SOS1: variants seen among roughly 807,000 people sequenced by gnomAD.
SOS1 encodes SOS Ras/Rac guanine nucleotide exchange factor 1.
A neutral mutation model predicts 157.6 loss-of-function variants in SOS1; 25 were observed. The ratio of observed to expected loss-of-function variants is 0.16; its 90% CI spans 0.12 to 0.22. The LOEUF is 0.22. Ranked by LOEUF, SOS1 falls within the 10% of genes least tolerant of loss-of-function variation. SOS1 has a pLI of 1.00. For missense variants in SOS1, 1,237 were observed against 1,599.1 expected, an observed-to-expected ratio of 0.77 and a Z score of 3.86; for synonymous variants, 528 against 534.0, an observed-to-expected ratio of 0.99 and a Z score of 0.16.
chr2:39,088,657 AT>A (rs1672468810), intron 1 of SOS1, among the ~76,000 whole-genome samples: 1 of 152,200 alleles, frequency 6.6e-6, no homozygotes, highest in Non-Finnish European at 1.5e-5. Context: ...TCAGAATTCT[AT>A]TCCTTTCTAG....
chr2:39,010,382 G>T (rs898356281), intron 15 of SOS1, among the ~76,000 whole-genome samples: 1 of 151,666 alleles, frequency 6.6e-6, no homozygotes, highest in Non-Finnish European at 1.5e-5. Context: ...TCACACACTT[G>T]TAATCCTGGT....
In SOS1 at chr2:39,034,993, AAAC is replaced by A. The variant is rs1383097490; in HGVS notation, c.1074+216_1074+218del. 31 of 621,088 alleles carry A rather than the reference AAAC, an allele frequency of 5.0e-5. No individual in the cohort carries two copies. The East Asian group carries it at 5.8e-4, about 12-fold the overall frequency. 38.5% of individuals were successfully genotyped at this position (621,088 alleles called of 1,614,324 possible). A position where few individuals can be genotyped will look rare whatever the true frequency, so the allele number is the denominator to read the frequency against. On this transcript the variant is annotated intron_variant, in intron 8 of 22. Coordinates refer to ENST00000402219, the MANE Select transcript of SOS1 (RefSeq NM_005633.4). ...AAAAATAAAAAAAAGAAAAAACAAA[AAAC>A]AAAAAAATTAAAAAACAACAAAAAT...
intron 1 of SOS1, among the ~76,000 whole-genome samples, chr2:39,083,376 G>A (rs1481192156): frequency 1.3e-5 from 2 of 152,104 alleles, no homozygotes; most frequent in African/African-American, 2.4e-5. Context: ...TATTCTTAAG[G>A]AAGTCAGGAG....
In SOS1 at chr2:38,986,160, T is replaced by C; in HGVS notation, c.3666A>G (p.Thr1222=). 6.2e-7 allele frequency: 1 copy of C among 1,613,738 alleles called. No individual in the cohort carries two copies. The highest frequency in any genetic ancestry group is 8.5e-7 in the Non-Finnish European group (1 of 1,179,848). Residue 1222 remains threonine (T), a synonymous_variant, in exon 23 of 23, where the codon ACA becomes ACG. Coordinates refer to ENST00000402219, the MANE Select transcript of SOS1 (RefSeq NM_005633.4). ...GTGGTGAGCTTGAGAAAACATCAGG[T>C]GTCCTCACAGGTTCTCGTGGTGGTA... The part of the protein sequence containing the change: ...PLLPPREPVR[T]PDVFSSSPLH...
At position 39,035,381 on chromosome 2, in the gene SOS1, T is replaced by C. The variant is rs761797990; in HGVS notation, c.975+9A>G. ...GACATTGTACATCTTCATTTAAAAA[T>C]TACTATACCTGCAAATAAAGTGCTG... On this transcript the variant is annotated intron_variant, in intron 7 of 22. Transcript: ENST00000402219. 11 of 1,608,404 alleles carry C rather than the reference T, an allele frequency of 6.8e-6. No homozygotes were observed. Among genetic ancestry groups the C allele is most frequent in the Non-Finnish European group, 8.5e-6 (10 of 1,175,034 alleles).
At chr2:39,015,002 C>G (rs913881497) in intron 10 of SOS1, among the ~76,000 whole-genome samples, 156 bp from the exon 11 acceptor site, 24 of 152,096 alleles carry the variant, frequency 1.6e-4, no homozygotes, top group Non-Finnish European at 4.4e-5. Flanking sequence ...GCACTGCTAG[C>G]TTAGTGCCTC....
At chr2:39,090,042 A>C (rs563176654) in intron 1 of SOS1, among the ~76,000 whole-genome samples, 2 of 150,452 alleles carry the variant, frequency 1.3e-5, no homozygotes, top group Admixed American at 6.6e-5. Context: ...TGGGAGGCTG[A>C]GGCCAGAGAA....
At chr2:39,083,064 T>C (rs1324534255) in intron 1 of SOS1, among the ~76,000 whole-genome samples, 1 of 152,210 alleles carries the variant, frequency 6.6e-6, no homozygotes, top group Non-Finnish European at 1.5e-5. Context: ...TTTTTGTTTA[T>C]ATAAATAGGC....
chr2:39,066,705 G>C (rs928888644), intron 2 of SOS1, among the ~76,000 whole-genome samples: 1 of 152,096 alleles, frequency 6.6e-6, no homozygotes, highest in African/African-American at 2.4e-5. Flanking sequence ...ATCTTTCTAA[G>C]AGATTACACA....
intron 1 of SOS1, among the ~76,000 whole-genome samples, chr2:39,114,927 A>C (rs1287317924): frequency 1.3e-5 from 2 of 151,324 alleles, no homozygotes; most frequent in Admixed American, 1.3e-4. Flanking sequence ...TCCTCTCTCA[A>C]CTTCTCAGAC....
At chr2:39,101,299 A>G (rs1672957883) in intron 1 of SOS1, among the ~76,000 whole-genome samples, 1 of 152,162 alleles carries the variant, frequency 6.6e-6, no homozygotes, top group Admixed American at 6.5e-5. Flanking sequence ...GACCTGCCCC[A>G]TGACCCCGAA....
upstream of SOS1, chr2:39,124,388 G>A (rs1264926696): frequency 6.6e-6 from 1 of 152,294 alleles, no homozygotes; most frequent in Non-Finnish European, 1.5e-5. Context: ...CGCCACGGCG[G>A]ACGTGACGCA....
At chr2:39,108,703 A>G (rs1447829132) in intron 1 of SOS1, among the ~76,000 whole-genome samples, 1 of 152,116 alleles carries the variant, frequency 6.6e-6, no homozygotes, top group Non-Finnish European at 1.5e-5. Context: ...AGCCTGAGTA[A>G]CACAGTGAGA....
chr2:39,002,624 G>C (rs1015522257), intron 17 of SOS1, among the ~76,000 whole-genome samples: 2 of 152,210 alleles, frequency 1.3e-5, no homozygotes, highest in African/African-American at 4.8e-5. Context: ...AATATACGTT[G>C]ACAGATTGAA....
chr2:39,118,401 G>A (rs1371589658), intron 1 of SOS1, among the ~76,000 whole-genome samples: 1 of 152,216 alleles, frequency 6.6e-6, no homozygotes, highest in East Asian at 1.9e-4. Flanking sequence ...AGCATATCCA[G>A]ATATGAAACA....
intron 8 of SOS1, among the ~76,000 whole-genome samples, chr2:39,031,414 T>G (rs1053256284): frequency 6.6e-5 from 10 of 152,076 alleles, no homozygotes; most frequent in African/African-American, 2.4e-4. Flanking sequence ...GAACCAAACA[T>G]GTACTGATTT....
At chr2:39,048,003 A>G (rs1670851128) in intron 6 of SOS1, among the ~76,000 whole-genome samples, 1 of 152,146 alleles carries the variant, frequency 6.6e-6, no homozygotes, top group Non-Finnish European at 1.5e-5. Flanking sequence ...TGAGTCTTTC[A>G]TTGGCTATGC....
intron 1 of SOS1, among the ~76,000 whole-genome samples, chr2:39,068,807 A>T (rs560104697): frequency 6.6e-6 from 1 of 152,276 alleles, no homozygotes; most frequent in East Asian, 1.9e-4. Flanking sequence ...GCATGTTAAT[A>T]AACAGCATGA....
intron 2 of SOS1, among the ~76,000 whole-genome samples, chr2:39,064,598 A>G (rs2148134888): frequency 6.6e-6 from 1 of 152,212 alleles, no homozygotes; most frequent in East Asian, 1.9e-4. Flanking sequence ...CCAACTGTAA[A>G]TATGTATTCT....
Sources: allele counts gnomAD v4.1 joint callset (sites outside exome capture counted in the v4.1 genomes callset), GRCh38; gene constraint gnomAD v4.1.1; transcripts MANE v1.5; gene names NCBI Gene and HGNC (gene_info 2026-07-23, HGNC 2026-07-21).